The following XRN2 variants were observed in gnomAD, a reference collection of about 807,000 sequenced individuals.
XRN2 encodes the protein 5'-3' exoribonuclease 2.
In XRN2, 44 loss-of-function variants were observed where a neutral mutation model predicts 138.5. The observed-to-expected ratio is 0.32, with a 90% CI of 0.25 to 0.41. XRN2 has a LOEUF of 0.41. Ranked by LOEUF, XRN2 falls within the 10% of genes least tolerant of loss-of-function variation. XRN2 has a pLI of 1.00. For synonymous variants in XRN2, 354 were observed against 369.4 expected (o/e 0.96, Z 0.48); for missense variants, 937 against 1,169.3 (o/e 0.80, Z 2.90).
chr20:21,334,197 C>T lies in XRN2; in HGVS notation c.1233+12C>T. ...GAAAGGATGATGAGGTAAAGTGTTTCTATTGCAGTAGCTAAAATTGCTCCT... is the reference window on the plus strand; with the variant it reads ...GAAAGGATGATGAGGTAAAGTGTTTTTATTGCAGTAGCTAAAATTGCTCCT... On this transcript the variant is annotated intron_variant, in intron 13 of 29. Coordinates refer to ENST00000377191, the MANE Select transcript of XRN2 (RefSeq NM_012255.5). 6.2e-7 allele frequency: 1 copy of T among 1,607,504 alleles called. No individual in the cohort carries two copies. The highest frequency in any genetic ancestry group is 1.3e-5 in the African/African-American group (1 of 74,906).
chr20:21,316,400 G>A (rs558965287), intron 1 of XRN2, among the ~76,000 whole-genome samples: 1 of 152,068 alleles, frequency 6.6e-6, no homozygotes, highest in Non-Finnish European at 1.5e-5. Context: ...CCTGTTTTTC[G>A]GAAGAGTTTT....
chr20:21,320,998 A>G (rs924694631), intron 1 of XRN2, among the ~76,000 whole-genome samples: 1 of 151,882 alleles, frequency 6.6e-6, no homozygotes, highest in East Asian at 1.9e-4. Context: ...GCTCTTCACC[A>G]TAGCTTGCAC....
chr20:21,324,235 T>C (rs2038089838), intron 1 of XRN2, among the ~76,000 whole-genome samples: 4 of 152,140 alleles, frequency 2.6e-5, no homozygotes, highest in Admixed American at 2.0e-4. Context: ...ACAGCATGTA[T>C]GTACAGAAGA....
chr20:21,369,048 T>C (rs1414189384), intron 27 of XRN2, among the ~76,000 whole-genome samples: 1 of 152,108 alleles, frequency 6.6e-6, no homozygotes, highest in Non-Finnish European at 1.5e-5. Context: ...CATCCTCCCC[T>C]CCCCAACCCT....
intron 1 of XRN2, among the ~76,000 whole-genome samples, chr20:21,309,722 A>G (rs1167081469): frequency 6.6e-6 from 1 of 151,934 alleles, no homozygotes; most frequent in African/African-American, 2.4e-5. Context: ...TGTTATTAAA[A>G]TGTTTTCACT....
rs141744401 is a variant in XRN2, at chr20:21,354,159, T to A, written c.1937-630T>A. On this transcript the variant is annotated intron_variant, in intron 20 of 29. Coordinates refer to ENST00000377191, the MANE Select transcript of XRN2 (RefSeq NM_012255.5). ...CAAATAAGTGCCCTTAATTTCAGCA[T>A]ACTCCAGAGGATCATTTTAAGTCTC... is the stretch of plus-strand genomic sequence containing the variant. 5.3e-3 allele frequency among the ~76,000 whole-genome samples: 812 copies of A among 152,344 alleles called. 6 individuals carry two copies. Among genetic ancestry groups the A allele is most frequent in the African/African-American group, 0.019 (789 of 41,588 alleles).
intron 1 of XRN2, among the ~76,000 whole-genome samples, chr20:21,309,546 T>C (rs1381351256): frequency 6.6e-6 from 1 of 152,120 alleles, no homozygotes; most frequent in Non-Finnish European, 1.5e-5. Context: ...GCACAGACCT[T>C]TTCTTTTTTT....
rs368030058 is a variant in XRN2, at chr20:21,349,474, C to T, written c.1936+13C>T. The T allele has an allele frequency of 8.9e-6, 14 of 1,567,072 alleles. No individual in the cohort carries two copies. The highest frequency in any genetic ancestry group is 8.1e-5 in the African/African-American group (6 of 73,826). Reference sequence around the variant, plus strand: ...TATGCATGGCAAGGTAAAATTTAGACGTTCTTTTCTGGTAAAACTGTGAAC... The same window carrying T: ...TATGCATGGCAAGGTAAAATTTAGATGTTCTTTTCTGGTAAAACTGTGAAC... On this transcript the variant is annotated intron_variant, in intron 20 of 29. Transcript: ENST00000377191.
At chr20:21,309,488 C>T (rs2037849524) in intron 1 of XRN2, among the ~76,000 whole-genome samples, 1 of 152,124 alleles carries the variant, frequency 6.6e-6, no homozygotes, top group Non-Finnish European at 1.5e-5. Flanking sequence ...GCTTTGAATG[C>T]GGCCCAGCAC....
At chr20:21,350,238 A>G (rs2038488578) in intron 20 of XRN2, among the ~76,000 whole-genome samples, 1 of 152,064 alleles carries the variant, frequency 6.6e-6, no homozygotes, top group Non-Finnish European at 1.5e-5. Context: ...CAATAAAGAA[A>G]TATCTTGGCC....
chr20:21,369,783 GGATAGTTTGCA>G lies in XRN2; in HGVS notation c.2584+1198_2584+1208del, dbSNP rs1032413053. On this transcript the variant is annotated intron_variant, in intron 27 of 29. Coordinates refer to ENST00000377191, the MANE Select transcript of XRN2 (RefSeq NM_012255.5). ...TCTGGTTATTAAACTCTTGTCAAAT[GGATAGTTTGCA>G]GATATTTTCTCTCATTCCATGGGTT... 1.6e-3 allele frequency among the ~76,000 whole-genome samples: 251 copies of G among 152,126 alleles called. 1 individual carries two copies. The highest frequency in any genetic ancestry group is 4.9e-3 in the African/African-American group (203 of 41,552).
In XRN2 at chr20:21,333,750, A is replaced by T. The variant is rs1225183521; in HGVS notation, c.980A>T (p.Asp327Val). ...LTMASLPFTF[D>V]VERSIDDWVF... is the part of the protein sequence containing the mutation. ...ATGGCCAGCCTACCATTCACATTTG[A>T]TGTTGAGAGGAGCATTGATGACTGG... Residue 327 changes from aspartate (D) to valine (V), a missense_variant, in exon 11 of 30, where the codon GAT becomes GTT. This residue lies in a region of XRN2 where 471 missense variants were observed against 581.2 expected (regional missense o/e 0.81). Transcript: ENST00000377191. 2 of 1,613,988 alleles carry T rather than the reference A, an allele frequency of 1.2e-6. No homozygotes were observed. Among genetic ancestry groups the T allele is most frequent in the Non-Finnish European group, 1.7e-6 (2 of 1,180,006 alleles).
intron 1 of XRN2, among the ~76,000 whole-genome samples, chr20:21,304,193 A>T (rs2037782206): frequency 6.6e-6 from 1 of 151,864 alleles, no homozygotes; most frequent in African/African-American, 2.4e-5. Context: ...GCCATTATTG[A>T]GTTTTGTTTT....
At position 21,348,240 on chromosome 20, in the gene XRN2, A is replaced by G. The variant is rs1243132575; in HGVS notation, c.1760A>G (p.Lys587Arg). The G allele has an allele frequency of 6.2e-7, 1 of 1,613,900 alleles. No homozygotes were observed. Among genetic ancestry groups the G allele is most frequent in the Non-Finnish European group, 8.5e-7 (1 of 1,179,974 alleles). Residue 587 changes from lysine (K) to arginine (R), a missense_variant, in exon 18 of 30, where the codon AAG becomes AGG. Lys to Arg is a conservative substitution (Grantham distance 26). Around this residue, in one of 6 missense-constraint regions of XRN2, gnomAD observed 471 missense variants for 581.2 expected, o/e 0.81. Transcript: ENST00000377191. ...GIADMPSDFE[K>R]GTKPFKPLEQ... ...GCAGACATGCCATCTGATTTTGAGA[A>G]GGGTACGAAACCGGTAAGCTTAATT...
intron 15 of XRN2, 69 bp from the exon 16 acceptor site, chr20:21,344,021 G>T: frequency 1.7e-6 from 2 of 1,155,366 alleles, no homozygotes; most frequent in Non-Finnish European, 2.6e-6. Context: ...AGTAGTGGTG[G>T]TTGGATGTAC....
At chr20:21,357,821 C>T in intron 24 of XRN2, 29 bp downstream of exon 24, 1 of 1,579,168 alleles carries the variant, frequency 6.3e-7, no homozygotes, top group Non-Finnish European at 8.6e-7. Context: ...ATGGCATTCA[C>T]CCAGAACACA....
chr20:21,323,245 A>G (rs138053519), intron 1 of XRN2, among the ~76,000 whole-genome samples: 1 of 152,100 alleles, frequency 6.6e-6, no homozygotes, highest in Admixed American at 6.5e-5. Context: ...ATCACTCATC[A>G]TTTCTCAGCC....
At chr20:21,329,066 G>T (rs533068222) in intron 4 of XRN2, among the ~76,000 whole-genome samples, 1 of 152,304 alleles carries the variant, frequency 6.6e-6, no homozygotes, top group South Asian at 2.1e-4. Flanking sequence ...ATCAGCTTTG[G>T]TTTGCTTGCT....
At position 21,328,676 on chromosome 20, in the gene XRN2, GA is replaced by G; in HGVS notation, c.427+8del. ...GGAAGAAATATTGGCAAAAGGTAAA[GA>G]ATATGCATCTTGAAGTTGGATTTTT... On this transcript the variant is annotated splice_region_variant and intron_variant, in intron 4 of 29. Transcript: ENST00000377191. The G allele has an allele frequency of 1.2e-6, 2 of 1,611,904 alleles. No homozygotes were observed. Among genetic ancestry groups the G allele is most frequent in the Non-Finnish European group, 1.7e-6 (2 of 1,178,950 alleles).
Sources: allele counts gnomAD v4.1 joint callset (sites outside exome capture counted in the v4.1 genomes callset), GRCh38; gene constraint gnomAD v4.1.1; regional missense constraint gnomAD v4.1.1; transcripts MANE v1.5; gene names NCBI Gene and HGNC (gene_info 2026-07-23, HGNC 2026-07-21).